Variants in PBX3 observed in about 807,000 individuals in gnomAD.
PBX3 encodes pre-B-cell leukemia transcription factor 3.
In PBX3, 14 loss-of-function variants were observed where a neutral mutation model predicts 48.5. That is an observed-to-expected ratio of 0.29 (90% confidence interval 0.19 to 0.45). The LOEUF is 0.45. Ranked by LOEUF, PBX3 falls within the 20% of genes least tolerant of loss-of-function variation. The pLI is 1.00. For missense variants in PBX3, 386 were observed against 546.7 expected (o/e 0.71, Z 2.93); for synonymous variants, 210 against 200.3 (o/e 1.05, Z -0.41).
chr9:125,878,529 C>G (rs925305435), intron 2 of PBX3, among the ~76,000 whole-genome samples: 3 of 152,180 alleles, frequency 2.0e-5, no homozygotes, highest in Non-Finnish European at 2.9e-5. Flanking sequence ...CAGGAGGTAG[C>G]CAGCCTCTCT....
chr9:125,825,671 A>G (rs1838787875), intron 2 of PBX3, among the ~76,000 whole-genome samples: 1 of 152,144 alleles, frequency 6.6e-6, no homozygotes, highest in Non-Finnish European at 1.5e-5. Flanking sequence ...AACAGTTTTG[A>G]CCTTGCAGAG....
chr9:125,780,601 G>T (rs1396570982), intron 2 of PBX3, among the ~76,000 whole-genome samples: 1 of 122,260 alleles, frequency 8.2e-6, no homozygotes, highest in Non-Finnish European at 1.7e-5. Flanking sequence ...GGGCAGAGGC[G>T]CCCCTCACCT....
chr9:125,921,760 C>T (rs902096987), intron 3 of PBX3, among the ~76,000 whole-genome samples: 2 of 151,998 alleles, frequency 1.3e-5, no homozygotes, highest in Non-Finnish European at 2.9e-5. Flanking sequence ...CAAAATCTAC[C>T]GTATTCGACT....
At chr9:125,767,537 T>C (rs1247103314) in intron 2 of PBX3, among the ~76,000 whole-genome samples, 1 of 152,194 alleles carries the variant, frequency 6.6e-6, no homozygotes, top group African/African-American at 2.4e-5. Context: ...GTTTTTAGTG[T>C]AGTTTCCTAT....
chr9:125,780,977 G>GCTGCAATCT (rs1837285537), intron 2 of PBX3, among the ~76,000 whole-genome samples: 1 of 106,140 alleles, frequency 9.4e-6, no homozygotes. Flanking sequence ...CCGGGCAGAG[G>GCTGCAATCT]CGCTCCTCAC....
In PBX3 at chr9:125,943,352, C is replaced by CAAAAAAAAAA. The variant is rs60326557; in HGVS notation, c.843+7783_843+7792dup. On this transcript the variant is annotated intron_variant, in intron 5 of 8. Coordinates refer to ENST00000373489, the MANE Select transcript of PBX3 (RefSeq NM_006195.6). ...CTTGGGCTGCAGAGTGAGACTGTCT[C>CAAAAAAAAAA]AAAAAAAAAAAAAAAAAAAAAAAAA... is the stretch of plus-strand genomic sequence containing the variant. Among the ~76,000 whole-genome samples, 55 of 60,880 alleles carry CAAAAAAAAAA rather than the reference C, an allele frequency of 9.0e-4. 4 individuals carry two copies. The highest frequency in any genetic ancestry group is 1.5e-3 in the South Asian group (2 of 1,320). The allele number at this position is 60,880 out of a possible 152,430, so 39.9% of individuals were successfully genotyped here.
intron 5 of PBX3, among the ~76,000 whole-genome samples, chr9:125,946,138 A>C (rs1842059195): frequency 6.6e-6 from 1 of 152,222 alleles, no homozygotes; most frequent in Non-Finnish European, 1.5e-5. Context: ...CAGTGAGTGC[A>C]TCAGAAATAG....
At chr9:125,907,415 T>A (rs758471017) in intron 2 of PBX3, among the ~76,000 whole-genome samples, 1 of 152,058 alleles carries the variant, frequency 6.6e-6, no homozygotes, top group African/African-American at 2.4e-5. Flanking sequence ...ACCAATGATA[T>A]GAAGTAACTA....
chr9:125,943,835 A>T (rs1214243385), intron 5 of PBX3, among the ~76,000 whole-genome samples: 1 of 152,198 alleles, frequency 6.6e-6, no homozygotes, highest in Non-Finnish European at 1.5e-5. Context: ...GCCTGAAGAG[A>T]TGAGGGAAGG....
chr9:125,899,508 G>A (rs371186412), intron 2 of PBX3, among the ~76,000 whole-genome samples: 13 of 147,892 alleles, frequency 8.8e-5, no homozygotes, highest in African/African-American at 3.2e-4. Flanking sequence ...AGGCAGGGGA[G>A]GTTATTGTCA....
intron 2 of PBX3, among the ~76,000 whole-genome samples, chr9:125,891,650 AC>A (rs976630057): frequency 6.6e-6 from 1 of 152,230 alleles, no homozygotes; most frequent in African/African-American, 2.4e-5. Context: ...CTTAGGAAAA[AC>A]ATCTCTATTC....
At chr9:125,791,293 GTCTGTCTGTCTATCTA>G (rs1239129331) in intron 2 of PBX3, among the ~76,000 whole-genome samples, 31 of 127,726 alleles carry the variant, frequency 2.4e-4, no homozygotes, top group African/African-American at 5.9e-4. Context: ...CTGTCTGTCT[GTCTGTCTGTCTATCTA>G]TCTATCTATC....
At chr9:125,773,154 A>G (rs1284335165) in intron 2 of PBX3, among the ~76,000 whole-genome samples, 2 of 152,186 alleles carry the variant, frequency 1.3e-5, no homozygotes, top group East Asian at 3.8e-4. Context: ...TAGAAGGAAT[A>G]TATTACTTAT....
chr9:125,903,711 G>GT (rs1019129554), intron 2 of PBX3, among the ~76,000 whole-genome samples: 2 of 151,844 alleles, frequency 1.3e-5, no homozygotes, highest in African/African-American at 4.8e-5. Context: ...TTGTGAGGAT[G>GT]TTTTTTAAAT....
chr9:125,773,908 A>G (rs1027487187), intron 2 of PBX3, among the ~76,000 whole-genome samples: 2 of 152,212 alleles, frequency 1.3e-5, no homozygotes, highest in African/African-American at 4.8e-5. Context: ...AATCAGTGAC[A>G]TTTAGTACAT....
chr9:125,774,264 C>T (rs1384898262), intron 2 of PBX3, among the ~76,000 whole-genome samples: 1 of 152,180 alleles, frequency 6.6e-6, no homozygotes, highest in African/African-American at 2.4e-5. Context: ...GGGGATGGTG[C>T]TAACCCATTA....
chr9:125,924,703 T>A (rs1841532850), intron 3 of PBX3, among the ~76,000 whole-genome samples: 1 of 152,218 alleles, frequency 6.6e-6, no homozygotes, highest in Non-Finnish European at 1.5e-5. Context: ...TATCAAAATA[T>A]CGTATTTATG....
chr9:125,935,565 C>G lies in PBX3; in HGVS notation c.801C>G (p.Ala267=), dbSNP rs774100971. Residue 267 remains alanine (A), a synonymous_variant, in exon 5 of 9, where the codon GCC becomes GCG. Transcript: ENST00000373489. ...HLSNPYPSEE[A]KEELAKKCSI... ...GCAACCCCTACCCCAGTGAAGAAGC[C>G]AAAGAGGAGCTGGCCAAGAAATGCA... is the stretch of plus-strand genomic sequence containing the variant. 8.7e-6 allele frequency: 14 copies of G among 1,613,684 alleles called. No individual in the cohort carries two copies. Among genetic ancestry groups the G allele is most frequent in the Middle Eastern group, 1.6e-4 (1 of 6,082 alleles).
intron 5 of PBX3, among the ~76,000 whole-genome samples, chr9:125,948,954 A>T (rs1842129337): frequency 6.6e-6 from 1 of 152,120 alleles, no homozygotes; most frequent in Non-Finnish European, 1.5e-5. Context: ...TTTTGTAGAG[A>T]TGGGGTTTCA....
Sources: gnomAD v4.1 joint callset for allele counts (sites outside exome capture counted in the v4.1 genomes callset) on GRCh38, gnomAD v4.1.1 for gene constraint, MANE v1.5 for transcripts, NCBI Gene and HGNC (gene_info 2026-07-23, HGNC 2026-07-21) for gene names.